REDIC1: variants seen among roughly 807,000 people sequenced by gnomAD.
The protein encoded by REDIC1 is HEI10 Interacting Protein 1.
At chr12:39,757,669 G>C in the REDIC1 span, 1 of 152,090 alleles carries the variant, frequency 6.6e-6, no homozygotes, top group African/African-American at 2.4e-5. Flanking sequence ...AGGGGAGTAG[G>C]GGAGGAGAAC....
chr12:39,785,728 C>T, the REDIC1 span, among the ~76,000 whole-genome samples: 795 of 152,206 alleles, frequency 5.2e-3, 5 homozygotes, highest in Non-Finnish European at 8.8e-3. Flanking sequence ...GACACAGGGG[C>T]GGAGCTGCCC....
the REDIC1 span, among the ~76,000 whole-genome samples, chr12:39,790,630 T>G: frequency 8.4e-5 from 11 of 130,326 alleles, no homozygotes; most frequent in Non-Finnish European, 1.3e-4. Flanking sequence ...TGTTGGACAT[T>G]TGGGTTGGTT....
chr12:39,812,234 C>A, the REDIC1 span, among the ~76,000 whole-genome samples: 1 of 152,066 alleles, frequency 6.6e-6, no homozygotes, highest in Non-Finnish European at 1.5e-5. Flanking sequence ...TCTGGGGCCC[C>A]TTTATAAAGG....
chr12:39,731,832 T>TTC, the REDIC1 span, among the ~76,000 whole-genome samples: 1 of 178 alleles, frequency 5.6e-3, no homozygotes, highest in African/African-American at 0.026. Flanking sequence ...GCTGCCTTTC[T>TTC]TTTTTTTTTT....
the REDIC1 span, chr12:39,721,745 A>G: frequency 6.6e-6 from 1 of 152,256 alleles, no homozygotes; most frequent in Admixed American, 6.6e-5. Context: ...TTACAGTCCT[A>G]TTTAAAAATT....
At chr12:39,848,111 A>T in the REDIC1 span, among the ~76,000 whole-genome samples, 1 of 152,120 alleles carries the variant, frequency 6.6e-6, no homozygotes, top group Non-Finnish European at 1.5e-5. Flanking sequence ...CCTGGACCTA[A>T]GAACAGGTAA....
the REDIC1 span, among the ~76,000 whole-genome samples, chr12:39,878,298 G>A: frequency 6.6e-6 from 1 of 152,218 alleles, no homozygotes; most frequent in East Asian, 1.9e-4. Flanking sequence ...ATGGGCAGAG[G>A]TTGGAAGAAT....
chr12:39,872,513 G>A, the REDIC1 span, among the ~76,000 whole-genome samples: 3 of 152,198 alleles, frequency 2.0e-5, no homozygotes, highest in Non-Finnish European at 4.4e-5. Flanking sequence ...TGGGACCCAT[G>A]AGAATCATTT....
At chr12:39,756,979 A>G in the REDIC1 span, 1 of 151,698 alleles carries the variant, frequency 6.6e-6, no homozygotes, top group Non-Finnish European at 1.5e-5. Context: ...TATTATTTAA[A>G]TATTTTACAT....
At chr12:39,640,424 T>TC in the REDIC1 span, among the ~76,000 whole-genome samples, 1 of 151,952 alleles carries the variant, frequency 6.6e-6, no homozygotes, top group African/African-American at 2.4e-5. Flanking sequence ...AGTATTTTGT[T>TC]ATAGCAGCCT....
At chr12:39,641,989 ATTC>A in the REDIC1 span, among the ~76,000 whole-genome samples, 1 of 151,612 alleles carries the variant, frequency 6.6e-6, no homozygotes, top group Admixed American at 6.6e-5. Context: ...CACAAAGCAA[ATTC>A]TTTCTGATCT....
the REDIC1 span, among the ~76,000 whole-genome samples, chr12:39,772,185 G>T: frequency 2.0e-5 from 3 of 152,062 alleles, no homozygotes; most frequent in Non-Finnish European, 4.4e-5. Flanking sequence ...ATGGCACAAG[G>T]GTCAAGAGCA....
chr12:39,878,880 A>G, the REDIC1 span, among the ~76,000 whole-genome samples: 1 of 152,266 alleles, frequency 6.6e-6, no homozygotes, highest in Non-Finnish European at 1.5e-5. Context: ...AGAGAACTTC[A>G]CAACAGGTCT....
At chr12:39,735,339 A>T in the REDIC1 span, among the ~76,000 whole-genome samples, 1 of 152,148 alleles carries the variant, frequency 6.6e-6, no homozygotes, top group Non-Finnish European at 1.5e-5. Context: ...AAGAATGGGG[A>T]TATTTATTAG....
the REDIC1 span, among the ~76,000 whole-genome samples, chr12:39,856,838 C>T: frequency 2.6e-5 from 4 of 152,232 alleles, no homozygotes; most frequent in East Asian, 3.9e-4. Context: ...GAATTGTTTT[C>T]GTTTCATACA....
chr12:39,793,629 G>A, the REDIC1 span, among the ~76,000 whole-genome samples: 7 of 152,036 alleles, frequency 4.6e-5, no homozygotes, highest in African/African-American at 1.7e-4. Flanking sequence ...GGACAACCTG[G>A]CCCTTACTAG....
At chr12:39,696,542 CAAAAAAAAAAAAAAAAAAAA>C in the REDIC1 span, among the ~76,000 whole-genome samples, 8 of 11,062 alleles carry the variant, frequency 7.2e-4, no homozygotes, top group East Asian at 6.4e-3. Flanking sequence ...GACTCTGTCT[CAAAAAAAAAAAAAAAAAAAA>C]AAAAAAAAAA....
the REDIC1 span, among the ~76,000 whole-genome samples, chr12:39,879,511 G>A: frequency 6.6e-6 from 1 of 152,250 alleles, no homozygotes; most frequent in African/African-American, 2.4e-5. Context: ...GGAACATGCA[G>A]TCAGAGGAGA....
chr12:39,761,304 A>ATCT, the REDIC1 span, among the ~76,000 whole-genome samples: 1 of 152,002 alleles, frequency 6.6e-6, no homozygotes, highest in African/African-American at 2.4e-5. Context: ...GATTCTGTAA[A>ATCT]TCTTACAGCC....
Sources: gnomAD v4.1 joint callset for allele counts (sites outside exome capture counted in the v4.1 genomes callset) on GRCh38, gnomAD v4.1.1 for gene constraint, MANE v1.5 for transcripts, NCBI Gene and HGNC (gene_info 2026-07-23, HGNC 2026-07-21) for gene names.